Variants in NEDD4L observed in about 807,000 individuals in gnomAD.
NEDD4L encodes the protein NEDD4 like E3 ubiquitin protein ligase.
Under a neutral mutation model 148.9 loss-of-function variants are expected in NEDD4L, and 54 were observed. The ratio of observed to expected loss-of-function variants is 0.36; its 90% CI spans 0.29 to 0.45. The LOEUF is 0.45. Ranked by LOEUF, NEDD4L falls within the 20% of genes least tolerant of loss-of-function variation. NEDD4L has a pLI of 1.00. For missense variants in NEDD4L, 856 were observed against 1,233.8 expected, an observed-to-expected ratio of 0.69 and a Z score of 4.59; for synonymous variants, 433 against 440.7, an observed-to-expected ratio of 0.98 and a Z score of 0.22.
intron 15 of NEDD4L, 29 bp downstream of exon 15, chr18:58,341,826 T>C (rs1486096674): frequency 6.2e-7 from 1 of 1,603,278 alleles, no homozygotes; most frequent in Non-Finnish European, 8.5e-7. Context: ...CTAACTGGAC[T>C]CACTCTGTCC....
intron 12 of NEDD4L, among the ~76,000 whole-genome samples, chr18:58,334,210 G>A (rs2041414553): frequency 6.6e-6 from 1 of 152,140 alleles, no homozygotes; most frequent in South Asian, 2.1e-4. Flanking sequence ...CTATAGTTAT[G>A]CTCCAGTGAT....
At chr18:58,357,413 G>T (rs1398796667) in intron 19 of NEDD4L, 161 bp downstream of exon 19, 1 of 750,202 alleles carries the variant, frequency 1.3e-6, no homozygotes. Flanking sequence ...GAAGTTTCCA[G>T]GTGAGGTACA....
chr18:58,209,793 A>T (rs1269694263), intron 2 of NEDD4L, among the ~76,000 whole-genome samples: 1 of 152,166 alleles, frequency 6.6e-6, no homozygotes. Flanking sequence ...ATAGCTGGTT[A>T]TTTGAAATGA....
At chr18:58,219,985 G>A (rs1013660998) in intron 2 of NEDD4L, among the ~76,000 whole-genome samples, 1 of 152,158 alleles carries the variant, frequency 6.6e-6, no homozygotes, top group Non-Finnish European at 1.5e-5. Context: ...TGGAAACATT[G>A]TAGCTTAATT....
At chr18:58,221,517 C>G (rs2043770691) in intron 2 of NEDD4L, 1 of 982,660 alleles carries the variant, frequency 1.0e-6, no homozygotes, top group South Asian at 4.7e-5. Flanking sequence ...TTCTTTCTAC[C>G]TGTCATTGAA....
At chr18:58,142,540 A>G (rs1233897922) in intron 1 of NEDD4L, among the ~76,000 whole-genome samples, 1 of 152,206 alleles carries the variant, frequency 6.6e-6, no homozygotes, top group Non-Finnish European at 1.5e-5. Flanking sequence ...CATGTTCCAG[A>G]CCTCAGAGGA....
chr18:58,255,952 G>A (rs953938196), intron 5 of NEDD4L: 8 of 1,231,230 alleles, frequency 6.5e-6, no homozygotes, highest in Non-Finnish European at 8.1e-6. Context: ...ACGGGGCCAC[G>A]GACGGGTGCG....
chr18:58,218,491 G>A (rs1484283808), intron 2 of NEDD4L, among the ~76,000 whole-genome samples: 2 of 152,190 alleles, frequency 1.3e-5, no homozygotes, highest in African/African-American at 4.8e-5. Flanking sequence ...AGACTTCTGG[G>A]AGACCCACCC....
chr18:58,342,199 C>T (rs541133008), intron 15 of NEDD4L, among the ~76,000 whole-genome samples: 5 of 152,250 alleles, frequency 3.3e-5, no homozygotes, highest in South Asian at 2.1e-4. Context: ...GTTTTTCTTT[C>T]GACTGTAGGG....
At chr18:58,193,441 C>T (rs906508826) in intron 2 of NEDD4L, among the ~76,000 whole-genome samples, 3 of 152,222 alleles carry the variant, frequency 2.0e-5, no homozygotes, top group Non-Finnish European at 4.4e-5. Context: ...TGTGGCACAG[C>T]TGGTCACCCA....
intron 1 of NEDD4L, among the ~76,000 whole-genome samples, chr18:58,137,561 A>G (rs1417392330): frequency 1.3e-5 from 2 of 152,200 alleles, no homozygotes; most frequent in Non-Finnish European, 2.9e-5. Flanking sequence ...CAGAGTGTGT[A>G]TTCACTGCCT....
At chr18:58,075,365 C>T (rs932793583) in intron 1 of NEDD4L, among the ~76,000 whole-genome samples, 1 of 152,116 alleles carries the variant, frequency 6.6e-6, no homozygotes, top group Non-Finnish European at 1.5e-5. Flanking sequence ...GTTGTCCAGG[C>T]TGGTCTCGAA....
At chr18:58,169,891 G>T (rs1363667756) in intron 2 of NEDD4L, among the ~76,000 whole-genome samples, 1 of 152,236 alleles carries the variant, frequency 6.6e-6, no homozygotes, top group East Asian at 1.9e-4. Context: ...GGGAAGTGCT[G>T]TGCATAGTTC....
intron 23 of NEDD4L, among the ~76,000 whole-genome samples, chr18:58,370,796 T>C (rs2046761939): frequency 6.6e-6 from 1 of 152,224 alleles, no homozygotes; most frequent in Non-Finnish European, 1.5e-5. Context: ...AAACTGCTGC[T>C]GCTGAATGTT....
intron 19 of NEDD4L, among the ~76,000 whole-genome samples, chr18:58,361,606 G>A (rs919105113): frequency 6.6e-6 from 1 of 152,166 alleles, no homozygotes; most frequent in Non-Finnish European, 1.5e-5. Context: ...AGATGCGCTG[G>A]TGTCACTGAT....
Position 58,398,717 on chromosome 18 carries a change from T to C in NEDD4L, c.*2448T>C, listed in dbSNP as rs898782464. The C allele has an allele frequency of 1.3e-5, 2 of 152,246 alleles. No homozygotes were observed. The highest frequency in any genetic ancestry group is 2.9e-5 in the Non-Finnish European group (2 of 68,032). 9.4% of individuals were successfully genotyped at this position (152,246 alleles called of 1,614,324 possible). ...AACAAGGTTCAGTAGTCCTCAGCAA[T>C]TCTCCAAGTTTCTCTCTTTGCCTAA... is the stretch of plus-strand genomic sequence containing the variant. On this transcript the variant is annotated 3_prime_UTR_variant, in exon 31 of 31. Coordinates refer to ENST00000400345, the MANE Select transcript of NEDD4L (RefSeq NM_001144967.3).
intron 5 of NEDD4L, among the ~76,000 whole-genome samples, chr18:58,297,086 C>T (rs1374974819): frequency 6.6e-6 from 1 of 152,092 alleles, no homozygotes; most frequent in Non-Finnish European, 1.5e-5. Flanking sequence ...GAGTCTGTCT[C>T]AAAATAAATA....
chr18:58,375,542 C>A (rs1475717193), intron 24 of NEDD4L, among the ~76,000 whole-genome samples: 1 of 152,166 alleles, frequency 6.6e-6, no homozygotes, highest in East Asian at 1.9e-4. Context: ...AACCTGTCAA[C>A]AAACAGTGTG....
At chr18:58,373,145 T>C (rs2146337155) in intron 23 of NEDD4L, 29 bp from the exon 24 acceptor site, 1 of 1,304,308 alleles carries the variant, frequency 7.7e-7, no homozygotes, top group Non-Finnish European at 1.1e-6. Flanking sequence ...GAAAAAATGC[T>C]GAATTTTCAC....
Sources: gnomAD v4.1 joint callset for allele counts (sites outside exome capture counted in the v4.1 genomes callset) on GRCh38, gnomAD v4.1.1 for gene constraint, MANE v1.5 for transcripts, NCBI Gene and HGNC (gene_info 2026-07-23, HGNC 2026-07-21) for gene names.